VTCN1: variants seen among roughly 807,000 people sequenced by gnomAD.
The protein encoded by VTCN1 is V-set domain containing T cell activation inhibitor 1, also known as V-set domain-containing T-cell activation inhibitor 1.
A neutral mutation model predicts 26.5 loss-of-function variants in VTCN1; 26 were observed. That is an observed-to-expected ratio of 0.98 (90% CI 0.72 to 1.36). The LOEUF is 1.36. VTCN1 is among the 40% of genes most tolerant of loss of function. The probability of loss-of-function intolerance (pLI) is 0.00; values close to 1 mark genes in which losing one functional copy is unlikely to be tolerated. For missense variants in VTCN1, 298 were observed against 337.7 expected (o/e 0.88, Z 0.92); for synonymous variants, 116 against 130.7 (o/e 0.89, Z 0.77).
At chr1:117,205,302 G>C (rs1044510507) in intron 1 of VTCN1, among the ~76,000 whole-genome samples, 1 of 151,772 alleles carries the variant, frequency 6.6e-6, no homozygotes, top group South Asian at 2.1e-4. Flanking sequence ...CTACAGGCAT[G>C]TACCACCACA....
intron 1 of VTCN1, chr1:117,172,468 T>C (rs1372167945): frequency 1.9e-6 from 1 of 518,816 alleles, no homozygotes; most frequent in East Asian, 5.4e-5. Flanking sequence ...GATAAAGTCA[T>C]AGCGAGAGGC....
At chr1:117,198,461 G>A (rs1648622732) in intron 1 of VTCN1, among the ~76,000 whole-genome samples, 1 of 152,208 alleles carries the variant, frequency 6.6e-6, no homozygotes, top group Non-Finnish European at 1.5e-5. Context: ...TTGTTTCACT[G>A]TACTCTGATT....
intron 1 of VTCN1, among the ~76,000 whole-genome samples, chr1:117,191,216 T>C (rs765919980): frequency 2.0e-5 from 3 of 152,210 alleles, no homozygotes; most frequent in Non-Finnish European, 2.9e-5. Flanking sequence ...TTGCAATCAG[T>C]CATTTAGAGG....
chr1:117,207,423 T>A (rs1273529426), intron 1 of VTCN1, among the ~76,000 whole-genome samples: 3 of 152,056 alleles, frequency 2.0e-5, no homozygotes, highest in Non-Finnish European at 4.4e-5. Context: ...GTCTTGCCAT[T>A]TATTCTCAGC....
chr1:117,160,089 G>A (rs1570946880), intron 2 of VTCN1, among the ~76,000 whole-genome samples: 1 of 152,156 alleles, frequency 6.6e-6, no homozygotes, highest in Non-Finnish European at 1.5e-5. Flanking sequence ...TCTGTGGCTT[G>A]GATATGAAAC....
intron 2 of VTCN1, among the ~76,000 whole-genome samples, chr1:117,160,807 A>G (rs946561046): frequency 1.3e-5 from 2 of 152,150 alleles, no homozygotes; most frequent in African/African-American, 4.8e-5. Flanking sequence ...CTTCCAGCCT[A>G]TTAGGGGTTG....
intron 4 of VTCN1, among the ~76,000 whole-genome samples, chr1:117,151,138 G>C (rs1178198012): frequency 6.6e-6 from 1 of 151,728 alleles, no homozygotes; most frequent in Non-Finnish European, 1.5e-5. Flanking sequence ...CCAGAAGCAG[G>C]ACTGTTAGAT....
intron 1 of VTCN1, among the ~76,000 whole-genome samples, chr1:117,208,937 T>G (rs1649229080): frequency 6.6e-6 from 1 of 152,182 alleles, no homozygotes; most frequent in African/African-American, 2.4e-5. Context: ...GGTATTTTTA[T>G]GAATTAAGGC....
At chr1:117,149,869 CT>C (rs1434834199) in intron 4 of VTCN1, among the ~76,000 whole-genome samples, 5 of 152,142 alleles carry the variant, frequency 3.3e-5, no homozygotes, top group Admixed American at 1.3e-4. Context: ...AGAAATTCTG[CT>C]ATTTTCTTAA....
At chr1:117,210,785 C>T (rs748973688) in intron 1 of VTCN1, 39 bp downstream of exon 1, 78 of 1,610,568 alleles carry the variant, frequency 4.8e-5, no homozygotes, top group Non-Finnish European at 6.5e-5. Context: ...CACTGCTGTT[C>T]CCTTCACCCA....
intron 2 of VTCN1, among the ~76,000 whole-genome samples, chr1:117,168,277 T>C (rs1652716932): frequency 1.3e-5 from 2 of 152,180 alleles, no homozygotes; most frequent in African/African-American, 2.4e-5. Flanking sequence ...TTTGGATACG[T>C]GATTTACGAC....
chr1:117,207,749 G>A (rs1266375955), intron 1 of VTCN1, among the ~76,000 whole-genome samples: 1 of 152,084 alleles, frequency 6.6e-6, no homozygotes, highest in Non-Finnish European at 1.5e-5. Flanking sequence ...CAGAAACATG[G>A]TAGTCATTCC....
chr1:117,164,842 G>C (rs1185851539), intron 2 of VTCN1, among the ~76,000 whole-genome samples: 1 of 152,196 alleles, frequency 6.6e-6, no homozygotes, highest in Admixed American at 6.5e-5. Flanking sequence ...ATCCACAAGG[G>C]TTGTCCTTTA....
chr1:117,157,092 G>GAGATATATATATAT lies in VTCN1; in HGVS notation c.98-172_98-171insATATATATATATCT, dbSNP rs1553208028. On this transcript the variant is annotated intron_variant, in intron 2 of 5. Coordinates refer to ENST00000369458, the MANE Select transcript of VTCN1 (RefSeq NM_024626.4). Reference sequence around the variant, plus strand: ...GAAAGAGCAGGAAGACAATCATTTTGATATATATATATATATATATATAGC... The same window carrying GAGATATATATATAT: ...GAAAGAGCAGGAAGACAATCATTTTGAGATATATATATATATATATATATATATATATATATAGC... 3 of 518,694 alleles carry GAGATATATATATAT rather than the reference G, an allele frequency of 5.8e-6. No individual in the cohort carries two copies. In the African/African-American group the frequency reaches 7.6e-5, roughly 13 times the overall value. 32.1% of individuals were successfully genotyped at this position (518,694 alleles called of 1,614,324 possible).
Position 117,147,822 on chromosome 1 carries a change from A to G in VTCN1, c.725-40T>C. The G allele has an allele frequency of 6.3e-7, 1 of 1,597,850 alleles. No homozygotes were observed. Among genetic ancestry groups the G allele is most frequent in the South Asian group, 1.1e-5 (1 of 88,228 alleles). On this transcript the variant is annotated intron_variant, in intron 4 of 5. Coordinates refer to ENST00000369458, the MANE Select transcript of VTCN1 (RefSeq NM_024626.4). This position sits in a 1 kb window ranked among gnomAD's most constrained non-coding sequence, Gnocchi z 4.6. Reference sequence around the variant, plus strand: ...AAAAAGTTTAGGGTCATACAGGAGAAGCTGGATGTCTTCTTCACATGACTG... The same window carrying G: ...AAAAAGTTTAGGGTCATACAGGAGAGGCTGGATGTCTTCTTCACATGACTG...
intron 2 of VTCN1, among the ~76,000 whole-genome samples, chr1:117,163,668 A>G (rs938435681): frequency 4.6e-5 from 7 of 152,178 alleles, no homozygotes; most frequent in Admixed American, 1.3e-4. Flanking sequence ...AGCTGTTAGT[A>G]GAGTCAGGGT....
chr1:117,165,018 G>C (rs186523628), intron 2 of VTCN1, among the ~76,000 whole-genome samples: 1 of 152,346 alleles, frequency 6.6e-6, no homozygotes, highest in East Asian at 1.9e-4. Context: ...ATTTCTTTCT[G>C]TATTGGGGAA....
intron 1 of VTCN1, among the ~76,000 whole-genome samples, chr1:117,186,941 AT>A: frequency 6.6e-6 from 1 of 152,174 alleles, no homozygotes; most frequent in Non-Finnish European, 1.5e-5. Context: ...GGGGATTACT[AT>A]TTTTACAGGT....
chr1:117,185,763 T>C (rs1284517191), intron 1 of VTCN1, among the ~76,000 whole-genome samples: 1 of 152,092 alleles, frequency 6.6e-6, no homozygotes, highest in Non-Finnish European at 1.5e-5. Flanking sequence ...TTTCTATTGA[T>C]AGTAACTCTT....
Sources: allele counts gnomAD v4.1 joint callset (sites outside exome capture counted in the v4.1 genomes callset), GRCh38; gene constraint gnomAD v4.1.1; non-coding constraint Gnocchi (gnomAD v3.1); transcripts MANE v1.5; gene names NCBI Gene and HGNC (gene_info 2026-07-23, HGNC 2026-07-21).